SPOCK1: variants seen among roughly 807,000 people sequenced by gnomAD.
SPOCK1 encodes SPARC (osteonectin), cwcv and kazal like domains proteoglycan 1.
SPOCK1 carries 23 observed loss-of-function variants against 55.3 expected under a neutral mutation model. The observed-to-expected ratio is 0.42, with a 90% CI of 0.30 to 0.59. The LOEUF (loss-of-function observed/expected upper bound fraction) is 0.59, where lower values mean the gene tolerates loss of function less well. SPOCK1 is among the 20% of genes least tolerant of loss of function. SPOCK1 has a pLI of 0.22. For synonymous variants in SPOCK1, 226 were observed against 221.0 expected (o/e 1.02, Z -0.20); for missense variants, 499 against 552.5 (o/e 0.90, Z 0.97).
At chr5:137,061,195 C>T (rs1295542121) in intron 6 of SPOCK1, among the ~76,000 whole-genome samples, 1 of 152,198 alleles carries the variant, frequency 6.6e-6, no homozygotes, top group Non-Finnish European at 1.5e-5. Flanking sequence ...TTCCTGGATG[C>T]AAAGATAAAT....
intron 5 of SPOCK1, among the ~76,000 whole-genome samples, chr5:137,099,582 A>G (rs936067779): frequency 6.0e-4 from 90 of 150,312 alleles, no homozygotes; most frequent in Middle Eastern, 3.4e-3. Context: ...GTGTGTGTAT[A>G]TATATATATA....
chr5:137,430,755 C>G (rs1415335162), intron 2 of SPOCK1, among the ~76,000 whole-genome samples: 1 of 152,144 alleles, frequency 6.6e-6, no homozygotes, highest in African/African-American at 2.4e-5. Flanking sequence ...GAAAAATAAA[C>G]CCTGGATTCC....
Position 137,192,232 on chromosome 5 carries a change from C to CAAAA in SPOCK1, c.233-51542_233-51539dup, listed in dbSNP as rs60401497. On this transcript the variant is annotated intron_variant, in intron 3 of 10. Transcript: ENST00000394945. Reference sequence around the variant, plus strand: ...TGGGTGACAGAGCAAGACTCTGTCTCAAAAAAAAAAAAAAAAAAAAAAAGA... The same window carrying CAAAA: ...TGGGTGACAGAGCAAGACTCTGTCTCAAAAAAAAAAAAAAAAAAAAAAAAAAAGA... Among the ~76,000 whole-genome samples the CAAAA allele has an allele frequency of 1.2e-3, 85 of 68,238 alleles. 5 individuals carry two copies. Among genetic ancestry groups the CAAAA allele is most frequent in the Middle Eastern group, 0.022 (2 of 90 alleles). 44.8% of individuals were successfully genotyped at this position (68,238 alleles called of 152,430 possible). A position where few individuals can be genotyped will look rare whatever the true frequency, so the allele number is the denominator to read the frequency against.
intron 2 of SPOCK1, among the ~76,000 whole-genome samples, chr5:137,335,457 T>C (rs979966364): frequency 6.6e-6 from 1 of 152,258 alleles, no homozygotes; most frequent in Non-Finnish European, 1.5e-5. Context: ...TCCAAATTTT[T>C]ATCATGAATA....
At chr5:137,177,607 A>G (rs74817375) in intron 3 of SPOCK1, among the ~76,000 whole-genome samples, 19,316 of 152,140 alleles carry the variant, frequency 0.13, 1,413 homozygotes, top group East Asian at 0.23. Context: ...AGGAGGAAAA[A>G]GAAAATGGAA....
At chr5:137,165,689 C>A (rs1754636050) in intron 3 of SPOCK1, among the ~76,000 whole-genome samples, 4 of 152,072 alleles carry the variant, frequency 2.6e-5, no homozygotes, top group Non-Finnish European at 1.5e-5. Context: ...ATTCAGAATT[C>A]TATCTGATAA....
intron 2 of SPOCK1, among the ~76,000 whole-genome samples, chr5:137,357,986 A>G (rs937614962): frequency 9.9e-5 from 15 of 151,524 alleles, no homozygotes; most frequent in African/African-American, 3.6e-4. Context: ...CACAAATGAG[A>G]AAAAAAAAGA....
At chr5:137,374,017 T>G (rs1751259676) in intron 2 of SPOCK1, among the ~76,000 whole-genome samples, 1 of 152,238 alleles carries the variant, frequency 6.6e-6, no homozygotes, top group Non-Finnish European at 1.5e-5. Context: ...AATGGGGAGA[T>G]GCCCAGTGGG....
intron 1 of SPOCK1, among the ~76,000 whole-genome samples, chr5:137,498,959 C>CAGCA (rs1754378274): frequency 6.6e-6 from 1 of 151,788 alleles, no homozygotes; most frequent in African/African-American, 2.4e-5. Flanking sequence ...AACAGGGCTC[C>CAGCA]AGCAGCACCC....
At chr5:137,441,433 T>C (rs993542581) in intron 2 of SPOCK1, among the ~76,000 whole-genome samples, 11 of 152,248 alleles carry the variant, frequency 7.2e-5, no homozygotes, top group Non-Finnish European at 1.5e-4. Context: ...TTTAAGTCTA[T>C]GATTCCAACT....
intron 5 of SPOCK1, among the ~76,000 whole-genome samples, chr5:137,099,468 A>G (rs901493834): frequency 2.0e-5 from 3 of 152,120 alleles, no homozygotes; most frequent in Non-Finnish European, 4.4e-5. Context: ...TCTCTGTTAT[A>G]AAAGTTTCAC....
intron 3 of SPOCK1, among the ~76,000 whole-genome samples, chr5:137,166,771 T>C (rs1011158218): frequency 6.6e-6 from 1 of 152,042 alleles, no homozygotes; most frequent in Non-Finnish European, 1.5e-5. Flanking sequence ...TATAAGATAG[T>C]ACTTGCAAGC....
intron 2 of SPOCK1, among the ~76,000 whole-genome samples, chr5:137,417,289 G>C (rs1752357122): frequency 7.3e-6 from 1 of 137,476 alleles, no homozygotes; most frequent in Non-Finnish European, 1.6e-5. Context: ...AAGTTTTATA[G>C]TTTTACATTT....
At position 137,140,284 on chromosome 5, in the gene SPOCK1, G is replaced by A. The variant is rs1436925966; in HGVS notation, c.347+296C>T. 2.0e-5 allele frequency among the ~76,000 whole-genome samples: 3 copies of A among 152,156 alleles called. No homozygotes were observed. The East Asian group carries it at 5.8e-4, about 29-fold the overall frequency. On this transcript the variant is annotated intron_variant, in intron 4 of 10. Transcript: ENST00000394945. ...CCTGGGTCGTGGCATCACTCTGGGA[G>A]GAGAAAATTCTCAATCATGACCAAG...
chr5:137,339,353 G>A (rs1016671566), intron 2 of SPOCK1, among the ~76,000 whole-genome samples: 9 of 152,208 alleles, frequency 5.9e-5, no homozygotes, highest in Non-Finnish European at 8.8e-5. Flanking sequence ...CATTTTCCTT[G>A]GACAGGGAAA....
chr5:137,426,809 C>A (rs1752621193), intron 2 of SPOCK1, among the ~76,000 whole-genome samples: 1 of 152,176 alleles, frequency 6.6e-6, no homozygotes, highest in African/African-American at 2.4e-5. Context: ...CTCAGTCCTA[C>A]CCGCACAACA....
chr5:137,456,898 A>G (rs1753379497), intron 2 of SPOCK1, among the ~76,000 whole-genome samples: 1 of 152,246 alleles, frequency 6.6e-6, no homozygotes, highest in African/African-American at 2.4e-5. Flanking sequence ...TTCATTGTTA[A>G]TACACACTAC....
intron 2 of SPOCK1, among the ~76,000 whole-genome samples, chr5:137,470,244 G>A (rs1753708083): frequency 6.6e-6 from 1 of 152,212 alleles, no homozygotes; most frequent in Non-Finnish European, 1.5e-5. Flanking sequence ...CAAGAGCAGT[G>A]TCTGTGTCTC....
intron 3 of SPOCK1, among the ~76,000 whole-genome samples, chr5:137,146,394 C>A (rs771207442): frequency 1.3e-5 from 2 of 152,198 alleles, no homozygotes; most frequent in African/African-American, 2.4e-5. Context: ...AGGCCAGAGG[C>A]CACTCGATTT....
Sources: allele counts gnomAD v4.1 joint callset (sites outside exome capture counted in the v4.1 genomes callset), GRCh38; gene constraint gnomAD v4.1.1; transcripts MANE v1.5; gene names NCBI Gene and HGNC (gene_info 2026-07-23, HGNC 2026-07-21).